Variants in GAB2 observed in about 807,000 individuals in gnomAD.
GAB2 encodes GRB2-associated-binding protein 2.
In GAB2, 26 loss-of-function variants were observed where a neutral mutation model predicts 65.5. The ratio of observed to expected loss-of-function variants is 0.40; its 90% CI spans 0.29 to 0.55. GAB2 has a LOEUF of 0.55. Ranked by LOEUF, GAB2 falls within the 20% of genes least tolerant of loss-of-function variation. The pLI is 0.53. For synonymous variants in GAB2, 321 were observed against 329.6 expected (o/e 0.97, Z 0.28); for missense variants, 884 against 875.8 (o/e 1.01, Z -0.12).
intron 1 of GAB2, among the ~76,000 whole-genome samples, chr11:78,305,571 G>A (rs1855338596): frequency 6.6e-6 from 1 of 152,176 alleles, no homozygotes; most frequent in African/African-American, 2.4e-5. Flanking sequence ...CTCTTTGTGT[G>A]GAGGTAAGTG....
intron 1 of GAB2, among the ~76,000 whole-genome samples, chr11:78,350,014 C>CT (rs1223938640): frequency 6.6e-6 from 1 of 152,068 alleles, no homozygotes; most frequent in Admixed American, 6.5e-5. Context: ...TGCACACGTC[C>CT]TCATTCTTAT....
rs184221998 is a variant in GAB2 at position 78,361,493 on chromosome 11, A to C, written c.75+56153T>G. 3.0e-4 allele frequency among the ~76,000 whole-genome samples: 46 copies of C among 151,006 alleles called. 1 individual carries two copies. Among genetic ancestry groups the C allele is most frequent in the Admixed American group, 3.0e-3 (46 of 15,276 alleles). On this transcript the variant is annotated intron_variant, in intron 1 of 9. Coordinates refer to ENST00000361507, the MANE Select transcript of GAB2 (RefSeq NM_080491.3). ...GTTAGAAGTCATAAATATTTCGCTA[A>C]AATTCACAATTCCTATTACAAAGGG...
chr11:78,262,597 C>G (rs1865763550), intron 2 of GAB2, among the ~76,000 whole-genome samples: 2 of 152,168 alleles, frequency 1.3e-5, no homozygotes, highest in Non-Finnish European at 2.9e-5. Flanking sequence ...CAGCTTGTAG[C>G]TGGCAGCTCT....
rs1199918092 is a variant in GAB2 at position 78,216,041 on chromosome 11, G to A, written c.*3231C>T. On this transcript the variant is annotated 3_prime_UTR_variant, in exon 10 of 10. Coordinates refer to ENST00000361507, the MANE Select transcript of GAB2 (RefSeq NM_080491.3). Reference sequence around the variant, plus strand: ...CAAGCTAGGAGGGGACTGGGGATAGGTACTGCCCACCCCAATCCCCCAGAA... The same window carrying A: ...CAAGCTAGGAGGGGACTGGGGATAGATACTGCCCACCCCAATCCCCCAGAA... 1 of 152,644 alleles carries A rather than the reference G, an allele frequency of 6.6e-6. No individual in the cohort carries two copies. Among genetic ancestry groups the A allele is most frequent in the Non-Finnish European group, 1.5e-5 (1 of 68,054 alleles). 9.5% of individuals were successfully genotyped at this position (152,644 alleles called of 1,614,324 possible).
At chr11:78,227,126 C>G in intron 3 of GAB2, 75 bp from the exon 4 acceptor site, 2 of 993,936 alleles carry the variant, frequency 2.0e-6, no homozygotes, top group South Asian at 2.7e-5. Context: ...AAAGCACTTT[C>G]TCTTTCTATA....
At chr11:78,323,864 C>T (rs891131286) in intron 1 of GAB2, among the ~76,000 whole-genome samples, 8 of 142,044 alleles carry the variant, frequency 5.6e-5, no homozygotes, top group African/African-American at 2.1e-4. Context: ...CTGGCACCAT[C>T]TCAGCTCACT....
At chr11:78,321,185 T>C (rs1855716828) in intron 1 of GAB2, among the ~76,000 whole-genome samples, 1 of 152,134 alleles carries the variant, frequency 6.6e-6, no homozygotes, top group Non-Finnish European at 1.5e-5. Context: ...GGGGTGGATA[T>C]GAGTACCCCT....
At chr11:78,384,333 T>C (rs956562231) in intron 1 of GAB2, among the ~76,000 whole-genome samples, 3 of 152,164 alleles carry the variant, frequency 2.0e-5, no homozygotes, top group Non-Finnish European at 4.4e-5. Context: ...AAATCGAGTG[T>C]CTCAGTCCTG....
At chr11:78,406,220 A>T (rs1399937537) in intron 1 of GAB2, among the ~76,000 whole-genome samples, 1 of 152,174 alleles carries the variant, frequency 6.6e-6, no homozygotes, top group African/African-American at 2.4e-5. Context: ...GGGAGTGTCA[A>T]TGGAGGTGGA....
At position 78,370,576 on chromosome 11, in the gene GAB2, G is replaced by C. The variant is rs12284951; in HGVS notation, c.75+47070C>G. On this transcript the variant is annotated intron_variant, in intron 1 of 9. Coordinates refer to ENST00000361507, the MANE Select transcript of GAB2 (RefSeq NM_080491.3). ...AGAGTGGGGAAAGACTGGTAGGAAA[G>C]AATAGGAGGGAAAGGAAACCAAGGC... is the stretch of plus-strand genomic sequence containing the variant. Among the ~76,000 whole-genome samples the C allele has an allele frequency of 8.5e-3, 1,289 of 152,208 alleles. 12 individuals carry two copies. The highest frequency in any genetic ancestry group is 0.013 in the Non-Finnish European group (893 of 68,022).
Position 78,226,679 on chromosome 11 carries a change from A to C in GAB2, c.993T>G (p.Thr331=). Residue 331 remains threonine (T), a synonymous_variant, in exon 4 of 10, where the codon ACT becomes ACG. Coordinates refer to ENST00000361507, the MANE Select transcript of GAB2 (RefSeq NM_080491.3). ...LSAYQIPRTF[T]LDKNHNAMTV... is the part of the protein sequence containing the mutation. ...TCATGGCATTGTGGTTTTTGTCCAGAGTGAATGTCCTAGGGATCTGGTAGG... is the reference window on the plus strand; with the variant it reads ...TCATGGCATTGTGGTTTTTGTCCAGCGTGAATGTCCTAGGGATCTGGTAGG... The C allele has an allele frequency of 6.2e-7, 1 of 1,613,918 alleles. No homozygotes were observed. Among genetic ancestry groups the C allele is most frequent in the South Asian group, 1.1e-5 (1 of 91,070 alleles).
intron 1 of GAB2, among the ~76,000 whole-genome samples, chr11:78,398,571 T>C (rs1257326634): frequency 6.6e-6 from 1 of 152,190 alleles, no homozygotes; most frequent in Admixed American, 6.5e-5. Context: ...GACTGAAATT[T>C]TTCATAATTA....
intron 1 of GAB2, among the ~76,000 whole-genome samples, chr11:78,362,013 T>A (rs1052591078): frequency 6.6e-5 from 10 of 151,872 alleles, no homozygotes; most frequent in African/African-American, 2.2e-4. Context: ...AGCTGCTTTT[T>A]AAAAAGGCAT....
intron 3 of GAB2, among the ~76,000 whole-genome samples, chr11:78,237,435 A>G (rs552113181): frequency 1.8e-4 from 28 of 152,372 alleles, no homozygotes; most frequent in African/African-American, 6.5e-4. Context: ...AGTCAGGAAA[A>G]CTAGTACTTA....
At chr11:78,266,118 G>A (rs1021443110) in intron 2 of GAB2, among the ~76,000 whole-genome samples, 1 of 149,566 alleles carries the variant, frequency 6.7e-6, no homozygotes, top group Non-Finnish European at 1.5e-5. Context: ...GAGAGGCTGA[G>A]GTGAGAGGAT....
At chr11:78,306,791 A>T (rs1307932444) in intron 1 of GAB2, among the ~76,000 whole-genome samples, 1 of 152,226 alleles carries the variant, frequency 6.6e-6, no homozygotes, top group African/African-American at 2.4e-5. Context: ...GCCTTTACTT[A>T]TTAGCTGCAT....
intron 1 of GAB2, among the ~76,000 whole-genome samples, chr11:78,386,379 T>G (rs574444672): frequency 8.5e-5 from 13 of 152,344 alleles, no homozygotes; most frequent in African/African-American, 3.1e-4. Flanking sequence ...GCACTTGATA[T>G]CTCTTCTCTT....
chr11:78,298,889 G>A (rs558072578), intron 1 of GAB2, among the ~76,000 whole-genome samples: 8 of 152,260 alleles, frequency 5.3e-5, no homozygotes, highest in East Asian at 1.9e-4. Context: ...CCATATTTTC[G>A]TAAATATACA....
chr11:78,260,395 C>T (rs142904355), intron 2 of GAB2, among the ~76,000 whole-genome samples: 92 of 152,346 alleles, frequency 6.0e-4, no homozygotes, highest in Non-Finnish European at 1.1e-3. Context: ...CCTTTTACAA[C>T]CTTCTTTGGC....
Sources: allele counts gnomAD v4.1 joint callset (sites outside exome capture counted in the v4.1 genomes callset), GRCh38; gene constraint gnomAD v4.1.1; transcripts MANE v1.5; gene names NCBI Gene and HGNC (gene_info 2026-07-23, HGNC 2026-07-21).